Variants in TES observed in about 807,000 individuals in gnomAD.
The protein encoded by TES is testin.
TES carries 41 observed loss-of-function variants against 48.2 expected under a neutral mutation model. The ratio of observed to expected loss-of-function variants is 0.85; its 90% CI spans 0.66 to 1.10. The LOEUF (loss-of-function observed/expected upper bound fraction) is 1.10. Among genes scored for constraint, TES ranks in the 50% least tolerant of loss-of-function variants. TES has a pLI of 0.00. For synonymous variants in TES, 162 were observed against 174.9 expected, an observed-to-expected ratio of 0.93 and a Z score of 0.58; for missense variants, 463 against 515.1, an observed-to-expected ratio of 0.90 and a Z score of 0.98.
At chr7:116,246,775 T>G (rs1180373398) in intron 2 of TES, among the ~76,000 whole-genome samples, 1 of 152,116 alleles carries the variant, frequency 6.6e-6, no homozygotes, top group African/African-American at 2.4e-5. Context: ...AATATCATCT[T>G]CTTATGGGGT....
In TES at chr7:116,249,063, G is replaced by T. The variant is rs776641324; in HGVS notation, c.157G>T (p.Val53Phe). ...CAAGTGTGGCCAAGAAGAGCATGATGTCCTCTTGAGCAATGAAGAGGATCG... is the reference window on the plus strand; with the variant it reads ...CAAGTGTGGCCAAGAAGAGCATGATTTCCTCTTGAGCAATGAAGAGGATCG... ...NCKCGQEEHDVLLSNEEDRKV... is the reference protein window; with the variant it reads ...NCKCGQEEHDFLLSNEEDRKV... The change falls in exon 3 of 7, where the codon GTC becomes TTC. Residue 53 changes from valine (V) to phenylalanine (F), a missense_variant. Physicochemically the swap from Val to Phe is conservative, Grantham distance 50. Coordinates refer to ENST00000358204, the MANE Select transcript of TES (RefSeq NM_015641.4). 2 of 1,612,898 alleles carry T rather than the reference G, an allele frequency of 1.2e-6. No homozygotes were observed. The highest frequency in any genetic ancestry group is 2.7e-5 in the African/African-American group (2 of 74,916).
At chr7:116,234,314 GCTTTT>G (rs1454579629) in intron 1 of TES, among the ~76,000 whole-genome samples, 3 of 151,990 alleles carry the variant, frequency 2.0e-5, no homozygotes, top group Non-Finnish European at 4.4e-5. Context: ...ATATTCTGAT[GCTTTT>G]CTTTTCATGA....
At chr7:116,231,805 T>G (rs1342018663) in intron 1 of TES, among the ~76,000 whole-genome samples, 1 of 152,178 alleles carries the variant, frequency 6.6e-6, no homozygotes, top group African/African-American at 2.4e-5. Flanking sequence ...TTTCTGCTAA[T>G]GCTGGTCAGC....
rs373808073 is a variant in TES at position 116,210,748 on chromosome 7, C to T, written c.27+14C>T. On this transcript the variant is annotated intron_variant, in intron 1 of 6. Coordinates refer to ENST00000358204, the MANE Select transcript of TES (RefSeq NM_015641.4). ...AAAGTGAAGAAGGTAGGGGGGCGCT[C>T]GTGGCGGGCGGCGGCTGCTTCACCT... 10 of 1,240,856 alleles carry T rather than the reference C, an allele frequency of 8.1e-6. No individual in the cohort carries two copies. Among genetic ancestry groups the T allele is most frequent in the Admixed American group, 8.6e-5 (2 of 23,330 alleles). 76.9% of individuals were successfully genotyped at this position (1,240,856 alleles called of 1,614,324 possible). A position where few individuals can be genotyped will look rare whatever the true frequency, so the allele number is the denominator to read the frequency against.
At chr7:116,244,396 C>G (rs899629250) in intron 2 of TES, among the ~76,000 whole-genome samples, 1 of 152,216 alleles carries the variant, frequency 6.6e-6, no homozygotes, top group African/African-American at 2.4e-5. Context: ...AAGAAAGGGG[C>G]TACAGGCCCT....
At chr7:116,218,046 G>A (rs780197020) in intron 1 of TES, 8 of 427,554 alleles carry the variant, frequency 1.9e-5, no homozygotes, top group African/African-American at 8.2e-5. Flanking sequence ...GTGGGGAGTC[G>A]GCTCAGATTT....
At chr7:116,222,078 C>CT (rs927140372) in intron 1 of TES, among the ~76,000 whole-genome samples, 66 of 151,950 alleles carry the variant, frequency 4.3e-4, no homozygotes, top group African/African-American at 1.5e-3. Context: ...AAACAGAATT[C>CT]TTTTTTTTCC....
intron 4 of TES, among the ~76,000 whole-genome samples, chr7:116,250,861 T>G (rs544837915): frequency 2.4e-4 from 37 of 152,220 alleles, no homozygotes; most frequent in Non-Finnish European, 3.8e-4. Flanking sequence ...GAATATATGC[T>G]TAGGTTAATT....
intron 1 of TES, among the ~76,000 whole-genome samples, chr7:116,220,586 G>T (rs753261918): frequency 6.6e-6 from 1 of 152,140 alleles, no homozygotes; most frequent in Non-Finnish European, 1.5e-5. Flanking sequence ...TAAATGTTTA[G>T]AACAGTGCCT....
chr7:116,221,470 C>T (rs1307787657), intron 1 of TES, among the ~76,000 whole-genome samples: 1 of 152,152 alleles, frequency 6.6e-6, no homozygotes, highest in Admixed American at 6.5e-5. Context: ...TTTTCCTTCC[C>T]TTTGAATCTG....
chr7:116,237,755 G>A (rs775379588), intron 2 of TES, among the ~76,000 whole-genome samples: 1 of 152,156 alleles, frequency 6.6e-6, no homozygotes, highest in Non-Finnish European at 1.5e-5. Flanking sequence ...GTGCCAACAT[G>A]GTTGAGTTCT....
At chr7:116,217,338 A>G (rs1190737482) in intron 1 of TES, among the ~76,000 whole-genome samples, 2 of 152,172 alleles carry the variant, frequency 1.3e-5, no homozygotes, top group East Asian at 1.9e-4. Flanking sequence ...TTATGAATGC[A>G]TAAAGCTATA....
chr7:116,235,116 C>T (rs1799751838), intron 2 of TES, among the ~76,000 whole-genome samples: 1 of 151,896 alleles, frequency 6.6e-6, no homozygotes, highest in Admixed American at 6.6e-5. Context: ...GCTAATTTTT[C>T]TTTTTTGTAT....
At chr7:116,233,252 C>T (rs1288415830) in intron 1 of TES, among the ~76,000 whole-genome samples, 1 of 152,100 alleles carries the variant, frequency 6.6e-6, no homozygotes. Context: ...GCTGGCTACT[C>T]TTTTTTTTCC....
At chr7:116,218,140 G>A (rs1308233327) in intron 1 of TES, among the ~76,000 whole-genome samples, 1 of 152,104 alleles carries the variant, frequency 6.6e-6, no homozygotes, top group Non-Finnish European at 1.5e-5. Flanking sequence ...TGACAGCAAA[G>A]TTACTACTCT....
At position 116,234,552 on chromosome 7, in the gene TES, C is replaced by G. The variant is rs767377968; in HGVS notation, c.46C>G (p.Gln16Glu). 1 of 1,613,800 alleles carries G rather than the reference C, an allele frequency of 6.2e-7. No homozygotes were observed. The highest frequency in any genetic ancestry group is 2.2e-5 in the East Asian group (1 of 44,850). ...KVKKMGLGHEQGFGAPCLKCK... is the reference protein window; with the variant it reads ...KVKKMGLGHEEGFGAPCLKCK... ...TTAACAGATGGGCTTAGGTCACGAG[C>G]AAGGATTTGGAGCCCCTTGTTTAAA... is the stretch of plus-strand genomic sequence containing the variant. The change falls in exon 2 of 7, where the codon CAA becomes GAA. Residue 16 changes from glutamine to glutamate, a missense_variant. Coordinates refer to ENST00000358204, the MANE Select transcript of TES (RefSeq NM_015641.4).
rs1046297164 is a variant in TES, at chr7:116,227,153, T to C, written c.28-7381T>C. Among the ~76,000 whole-genome samples the C allele has an allele frequency of 1.3e-5, 2 of 151,694 alleles. 1 individual carries two copies. ...ATTTATTGGAGATGGAGTCTCACTC[T>C]GTCACCCAGGCTGGAGTGCATGGCG... On this transcript the variant is annotated intron_variant, in intron 1 of 6. Coordinates refer to ENST00000358204, the MANE Select transcript of TES (RefSeq NM_015641.4).
rs1408615667 is a variant in TES at position 116,234,537 on chromosome 7, G to C, written c.31G>C (p.Gly11Arg). MDLENKVKKM[G>R]LGHEQGFGAP... ...CATGATGTTTTCTTTTTAACAGATG[G>C]GCTTAGGTCACGAGCAAGGATTTGG... Residue 11 changes from glycine (G) to arginine (R), a missense_variant, in exon 2 of 7, where the codon GGC (glycine) becomes CGC (arginine). Coordinates refer to ENST00000358204, the MANE Select transcript of TES (RefSeq NM_015641.4). The C allele has an allele frequency of 3.1e-6, 5 of 1,613,384 alleles. No homozygotes were observed. The highest frequency in any genetic ancestry group is 4.2e-6 in the Non-Finnish European group (5 of 1,179,578).
At chr7:116,227,258 A>G (rs555554510) in intron 1 of TES, among the ~76,000 whole-genome samples, 1 of 151,176 alleles carries the variant, frequency 6.6e-6, no homozygotes, top group South Asian at 2.1e-4. Context: ...CTGGGATTAC[A>G]GGCATCTATC....
Sources: allele counts gnomAD v4.1 joint callset (sites outside exome capture counted in the v4.1 genomes callset), GRCh38; gene constraint gnomAD v4.1.1; transcripts MANE v1.5; gene names NCBI Gene and HGNC (gene_info 2026-07-23, HGNC 2026-07-21).